Variants in SPON1 observed in about 807,000 individuals in gnomAD.
SPON1 encodes spondin-1.
A neutral mutation model predicts 111.7 loss-of-function variants in SPON1; 52 were observed. That is an observed-to-expected ratio of 0.47 (90% CI 0.37 to 0.59). SPON1 has a LOEUF of 0.59. Ranked by LOEUF, SPON1 falls within the 20% of genes least tolerant of loss-of-function variation. The probability of loss-of-function intolerance (pLI) is 0.00; values close to 1 mark genes in which losing one functional copy is unlikely to be tolerated. For missense variants in SPON1, 957 were observed against 1,068.5 expected (o/e 0.90, Z 1.46); for synonymous variants, 410 against 395.8 (o/e 1.04, Z -0.43).
chr11:14,127,081 T>C (rs1591382645), intron 5 of SPON1, among the ~76,000 whole-genome samples: 1 of 152,186 alleles, frequency 6.6e-6, no homozygotes, highest in East Asian at 1.9e-4. Context: ...CCCTGCTCTA[T>C]TTAGATTTAA....
chr11:14,202,338 G>A (rs998897942), intron 6 of SPON1, among the ~76,000 whole-genome samples: 49 of 152,170 alleles, frequency 3.2e-4, no homozygotes, highest in African/African-American at 1.0e-3. Context: ...AGTCATCGCC[G>A]TCCTGTGCCT....
intron 2 of SPON1, among the ~76,000 whole-genome samples, chr11:14,019,566 T>C (rs1019412306): frequency 3.9e-5 from 6 of 152,148 alleles, no homozygotes; most frequent in African/African-American, 1.2e-4. Flanking sequence ...GATCATTATG[T>C]ATGATCATTA....
chr11:14,058,067 A>G (rs984463360), intron 3 of SPON1, among the ~76,000 whole-genome samples: 2 of 152,002 alleles, frequency 1.3e-5, no homozygotes, highest in African/African-American at 4.8e-5. Context: ...GGTGGAGAGG[A>G]AAAAAGAGCT....
chr11:14,125,896 G>A lies in SPON1; in HGVS notation c.677-9524G>A, dbSNP rs572540098. On this transcript the variant is annotated intron_variant, in intron 5 of 15. Transcript: ENST00000576479. ...CCAATGGTATAGTTCCAGTCTCAGT[G>A]TGAAGGCCTGGGAACCAGGATTGTT... 5.9e-5 allele frequency among the ~76,000 whole-genome samples: 9 copies of A among 152,344 alleles called. No individual in the cohort carries two copies. In the South Asian group the frequency reaches 1.9e-3, roughly 32 times the overall value.
At chr11:14,169,870 C>G (rs1643976750) in intron 6 of SPON1, among the ~76,000 whole-genome samples, 1 of 152,124 alleles carries the variant, frequency 6.6e-6, no homozygotes. Context: ...TGTTTTGGTA[C>G]CAGTACCATG....
chr11:14,201,105 C>T (rs1246398176), intron 6 of SPON1, among the ~76,000 whole-genome samples: 4 of 152,024 alleles, frequency 2.6e-5, no homozygotes, highest in Admixed American at 2.0e-4. Flanking sequence ...CTTTGGGAGG[C>T]CAGGGCGGGT....
intron 7 of SPON1, among the ~76,000 whole-genome samples, chr11:14,248,939 ACT>A (rs1264743674): frequency 6.6e-6 from 1 of 152,092 alleles, no homozygotes; most frequent in Non-Finnish European, 1.5e-5. Flanking sequence ...GGAAAGGCAG[ACT>A]CTGAACAAAA....
In SPON1 at chr11:14,054,400, A is replaced by T. The variant is rs2618512; in HGVS notation, c.479+12746A>T. Reference sequence around the variant, plus strand: ...CTATTGCCAGTTCTTAAGGAGAAAGAGGGGGAAGCAGAAACAGAAATAATC... The same window carrying T: ...CTATTGCCAGTTCTTAAGGAGAAAGTGGGGGAAGCAGAAACAGAAATAATC... On this transcript the variant is annotated intron_variant, in intron 3 of 15. Transcript: ENST00000576479. 3.6e-4 allele frequency among the ~76,000 whole-genome samples: 54 copies of T among 152,064 alleles called. 1 individual carries two copies. The highest frequency in any genetic ancestry group is 6.8e-3 in the Middle Eastern group (2 of 294).
At chr11:14,075,986 T>G (rs1300434798) in intron 4 of SPON1, among the ~76,000 whole-genome samples, 1 of 152,154 alleles carries the variant, frequency 6.6e-6, no homozygotes, top group East Asian at 1.9e-4. Flanking sequence ...CTAACTAGAC[T>G]CGGGGGATAA....
At position 14,135,203 on chromosome 11, in the gene SPON1, G is replaced by A. The variant is rs1393953001; in HGVS notation, c.677-217G>A. 1.3e-5 allele frequency: 6 copies of A among 466,054 alleles called. No individual in the cohort carries two copies. Among genetic ancestry groups the A allele is most frequent in the Non-Finnish European group, 2.3e-5 (6 of 263,332 alleles). The allele number at this position is 466,054 out of a possible 1,614,324, so 28.9% of individuals were successfully genotyped here. ...CATCTCTGGGCTGCCTCTGCGTCTTGTTCAACATCTGCTGTTGACCTGTCT... is the reference window on the plus strand; with the variant it reads ...CATCTCTGGGCTGCCTCTGCGTCTTATTCAACATCTGCTGTTGACCTGTCT... On this transcript the variant is annotated intron_variant, in intron 5 of 15. Coordinates refer to ENST00000576479, the MANE Select transcript of SPON1 (RefSeq NM_006108.4). This position sits in a 1 kb window ranked among gnomAD's most constrained non-coding sequence, Gnocchi z 4.4.
At chr11:14,246,809 T>C (rs1554940288) in intron 7 of SPON1, among the ~76,000 whole-genome samples, 1 of 152,136 alleles carries the variant, frequency 6.6e-6, no homozygotes, top group African/African-American at 2.4e-5. Flanking sequence ...GACATGTCTA[T>C]GAAGGAAAGG....
At chr11:14,043,668 C>G (rs1554917560) in intron 3 of SPON1, among the ~76,000 whole-genome samples, 1 of 152,174 alleles carries the variant, frequency 6.6e-6, no homozygotes, top group East Asian at 1.9e-4. Flanking sequence ...TGTGAGGAGC[C>G]TTCCTGCTCT....
At chr11:14,051,378 T>C (rs1253100676) in intron 3 of SPON1, among the ~76,000 whole-genome samples, 1 of 151,846 alleles carries the variant, frequency 6.6e-6, no homozygotes, top group African/African-American at 2.4e-5. Flanking sequence ...CTACAAAAAA[T>C]AAACAAAATT....
intron 7 of SPON1, among the ~76,000 whole-genome samples, chr11:14,248,645 T>A (rs1277165216): frequency 6.6e-6 from 1 of 152,192 alleles, no homozygotes; most frequent in Non-Finnish European, 1.5e-5. Context: ...GAAGCCTACA[T>A]GCAGCCAAGT....
intron 6 of SPON1, among the ~76,000 whole-genome samples, chr11:14,174,141 A>G (rs1848144823): frequency 6.6e-6 from 1 of 152,226 alleles, no homozygotes; most frequent in African/African-American, 2.4e-5. Context: ...CTGGATCCCC[A>G]AAAGGAGGGA....
At chr11:14,037,192 T>C (rs187649132) in intron 2 of SPON1, among the ~76,000 whole-genome samples, 1 of 152,212 alleles carries the variant, frequency 6.6e-6, no homozygotes, top group East Asian at 1.9e-4. Flanking sequence ...ACATATGCCA[T>C]GTTGGTGTGC....
chr11:14,114,545 A>G (rs1849252440), intron 5 of SPON1, among the ~76,000 whole-genome samples: 1 of 152,196 alleles, frequency 6.6e-6, no homozygotes. Context: ...CCTAGAGAGC[A>G]GCCTCTCATT....
chr11:14,215,716 A>T (rs963026426), intron 6 of SPON1, among the ~76,000 whole-genome samples: 2 of 152,200 alleles, frequency 1.3e-5, no homozygotes, highest in African/African-American at 2.4e-5. Context: ...GTTATAAGTT[A>T]AGCTGTTGTA....
intron 5 of SPON1, among the ~76,000 whole-genome samples, chr11:14,092,862 A>G (rs75297653): frequency 0.011 from 1,618 of 152,352 alleles, 27 homozygotes; most frequent in African/African-American, 0.038. Context: ...TGACATAGCC[A>G]CAGAGTGTCC....
Sources: allele counts gnomAD v4.1 joint callset (sites outside exome capture counted in the v4.1 genomes callset), GRCh38; gene constraint gnomAD v4.1.1; non-coding constraint Gnocchi (gnomAD v3.1); transcripts MANE v1.5; gene names NCBI Gene and HGNC (gene_info 2026-07-23, HGNC 2026-07-21).